The following PRSS23 variants were observed in gnomAD, a reference collection of about 807,000 sequenced individuals.
The protein encoded by PRSS23 is serine protease 23.
In PRSS23, 25 loss-of-function variants were observed where a neutral mutation model predicts 34.7. The ratio of observed to expected loss-of-function variants is 0.72; its 90% confidence interval spans 0.53 to 1.01. The LOEUF is 1.01. PRSS23 is among the 50% of genes least tolerant of loss of function. The pLI is 0.00. For synonymous variants in PRSS23, 176 were observed against 186.6 expected, an observed-to-expected ratio of 0.94 and a Z score of 0.46; for missense variants, 445 against 475.6, an observed-to-expected ratio of 0.94 and a Z score of 0.60.
chr11:86,912,428 A>G (rs140344153), intron 2 of PRSS23, among the ~76,000 whole-genome samples: 32 of 152,228 alleles, frequency 2.1e-4, no homozygotes, highest in African/African-American at 7.5e-4. Flanking sequence ...GGCCTTTGAT[A>G]TTGGCCTACT....
At position 86,808,152 on chromosome 11, in the gene PRSS23, T is replaced by A; in HGVS notation, c.509T>A (p.Val170Asp). The change falls in exon 2 of 2, where the codon GTC becomes GAC. Residue 170 changes from valine to aspartate, a missense_variant. Coordinates refer to ENST00000280258, the MANE Select transcript of PRSS23 (RefSeq NM_007173.6). Reference sequence around the variant, plus strand: ...GGCACCCTGGTGGCAGAGAAGCATGTCCTCACAGCTGCCCACTGCATACAC... The same window carrying A: ...GGCACCCTGGTGGCAGAGAAGCATGACCTCACAGCTGCCCACTGCATACAC... ...CTGTLVAEKH[V>D]LTAAHCIHDG... 6.2e-7 allele frequency: 1 copy of A among 1,614,190 alleles called. No homozygotes were observed. Among genetic ancestry groups the A allele is most frequent in the Non-Finnish European group, 8.5e-7 (1 of 1,180,026 alleles).
At chr11:86,811,236 C>G (rs1053998661), downstream of PRSS23, 4 of 166,670 alleles carry the variant, frequency 2.4e-5, no homozygotes, top group Non-Finnish European at 5.9e-5. Context: ...TCACAAAACC[C>G]TTGTTTTCTC....
intron 2 of PRSS23, among the ~76,000 whole-genome samples, chr11:86,849,996 G>C (rs1948516954): frequency 6.6e-6 from 1 of 152,124 alleles, no homozygotes; most frequent in African/African-American, 2.4e-5. Context: ...TTACTGAAAA[G>C]GTCAAAGAAA....
chr11:86,859,017 G>A, intron 2 of PRSS23, among the ~76,000 whole-genome samples: 1 of 151,546 alleles, frequency 6.6e-6, no homozygotes, highest in East Asian at 1.9e-4. Flanking sequence ...CAATATCGCA[G>A]GGGTGTACAC....
intron 2 of PRSS23, among the ~76,000 whole-genome samples, chr11:86,824,252 G>A (rs1025237367): frequency 6.7e-6 from 1 of 149,898 alleles, no homozygotes; most frequent in Non-Finnish European, 1.5e-5. Flanking sequence ...AGATTGCAGT[G>A]AGCCAAGATC....
intron 2 of PRSS23, among the ~76,000 whole-genome samples, chr11:86,824,520 G>A (rs1162911982): frequency 6.7e-6 from 1 of 149,018 alleles, no homozygotes; most frequent in South Asian, 2.1e-4. Context: ...GGGTACATGT[G>A]CACAATGTGC....
chr11:86,932,958 T>A (rs1565390600), intron 2 of PRSS23: 1 of 152,174 alleles, frequency 6.6e-6, no homozygotes, highest in Non-Finnish European at 1.5e-5. Flanking sequence ...ACACTCACAC[T>A]CTCTTGTTCA....
chr11:86,817,516 A>G (rs1004691468), intron 1 of PRSS23, among the ~76,000 whole-genome samples: 1 of 152,226 alleles, frequency 6.6e-6, no homozygotes, highest in Non-Finnish European at 1.5e-5. Context: ...ACCGTATTCT[A>G]GAAGTAAGAC....
chr11:86,907,112 G>T (rs1485843206), intron 2 of PRSS23, among the ~76,000 whole-genome samples: 1 of 152,182 alleles, frequency 6.6e-6, no homozygotes, highest in Non-Finnish European at 1.5e-5. Flanking sequence ...CCCAATTAAT[G>T]ATTTTTTTGG....
chr11:86,952,590 A>G (rs1949304145), exon 3 of PRSS23: 3 of 1,045,438 alleles, frequency 2.9e-6, no homozygotes, highest in South Asian at 2.7e-5. Flanking sequence ...TTTTAAACCA[A>G]CCTATCGGGA....
At chr11:86,817,162 C>G (rs1462251373) in intron 1 of PRSS23, among the ~76,000 whole-genome samples, 3 of 151,926 alleles carry the variant, frequency 2.0e-5, no homozygotes, top group Non-Finnish European at 4.4e-5. Flanking sequence ...TTATTGCCTT[C>G]TAACTGTGGG....
chr11:86,885,527 CATA>C (rs1948797162), intron 2 of PRSS23, among the ~76,000 whole-genome samples: 1 of 152,186 alleles, frequency 6.6e-6, no homozygotes, highest in Non-Finnish European at 1.5e-5. Flanking sequence ...GATTACCCTC[CATA>C]ATGTGTGTGG....
In PRSS23 at chr11:86,810,294, C is replaced by T. The variant is rs1235825888; in HGVS notation, c.*1499C>T. ...CACCCCAGGTAAACCTGCATTGTAG[C>T]AATTTGTAAGGATATTCAGATGGAG... On this transcript the variant is annotated 3_prime_UTR_variant, in exon 2 of 2. Transcript: ENST00000280258. 1.2e-5 allele frequency: 2 copies of T among 166,486 alleles called. No homozygotes were observed. Among genetic ancestry groups the T allele is most frequent in the Non-Finnish European group, 2.9e-5 (2 of 68,102 alleles). 10.3% of individuals were successfully genotyped at this position (166,486 alleles called of 1,614,324 possible).
intron 2 of PRSS23, chr11:86,947,448 T>G (rs991647373): frequency 6.6e-6 from 1 of 152,244 alleles, no homozygotes; most frequent in African/African-American, 2.4e-5. Flanking sequence ...ACCATGAGGA[T>G]GAGGGGAGCC....
intron 2 of PRSS23, among the ~76,000 whole-genome samples, chr11:86,835,408 G>T (rs141124549): frequency 6.6e-6 from 1 of 152,142 alleles, no homozygotes; most frequent in Non-Finnish European, 1.5e-5. Context: ...AGCTATTCCT[G>T]TTTTTTCTGT....
chr11:86,840,989 A>AT (rs1270465803), intron 2 of PRSS23, among the ~76,000 whole-genome samples: 4 of 152,246 alleles, frequency 2.6e-5, no homozygotes, highest in African/African-American at 9.6e-5. Context: ...ATAGCACTAA[A>AT]TGCCCACAAG....
intron 2 of PRSS23, among the ~76,000 whole-genome samples, chr11:86,941,302 T>G (rs1949205815): frequency 6.6e-6 from 1 of 152,198 alleles, no homozygotes; most frequent in Non-Finnish European, 1.5e-5. Context: ...AGGAAGAAAT[T>G]ACATAGTAAG....
At chr11:86,831,376 G>T (rs1210322086) in intron 2 of PRSS23, among the ~76,000 whole-genome samples, 1 of 151,690 alleles carries the variant, frequency 6.6e-6, no homozygotes, top group Non-Finnish European at 1.5e-5. Context: ...CACAGGGTGT[G>T]TACACCCTGT....
chr11:86,920,879 A>T (rs919796182), intron 2 of PRSS23, among the ~76,000 whole-genome samples: 2 of 152,108 alleles, frequency 1.3e-5, no homozygotes. Flanking sequence ...ACCATACTCA[A>T]TGATCCTTCG....
Sources: allele counts gnomAD v4.1 joint callset (sites outside exome capture counted in the v4.1 genomes callset), GRCh38; gene constraint gnomAD v4.1.1; transcripts MANE v1.5; gene names NCBI Gene and HGNC (gene_info 2026-07-23, HGNC 2026-07-21).